Variants in DHRS7B observed in about 807,000 individuals in gnomAD.
The protein encoded by DHRS7B is peroxisomal reductase activating PPAR-gamma.
In DHRS7B, 24 loss-of-function variants were observed where a neutral mutation model predicts 26.4. The ratio of observed to expected loss-of-function variants is 0.91; its 90% confidence interval spans 0.66 to 1.28. DHRS7B has a LOEUF of 1.28. DHRS7B is among the 50% of genes most tolerant of loss of function. The pLI is 0.00. For synonymous variants in DHRS7B, 142 were observed against 166.4 expected (o/e 0.85, Z 1.13); for missense variants, 368 against 419.4 (o/e 0.88, Z 1.07).
At chr17:21,139,257 G>A (rs1194375815) in intron 1 of DHRS7B, among the ~76,000 whole-genome samples, 3 of 152,152 alleles carry the variant, frequency 2.0e-5, no homozygotes, top group Admixed American at 6.5e-5. Context: ...CATTAAACCA[G>A]TATTAATGTC....
At chr17:21,156,665 C>T (rs776904045) in intron 1 of DHRS7B, among the ~76,000 whole-genome samples, 2 of 151,820 alleles carry the variant, frequency 1.3e-5, no homozygotes, top group Non-Finnish European at 2.9e-5. Context: ...GTAATCCCAG[C>T]ACTTTAGGAG....
Position 21,131,303 on chromosome 17 carries a change from A to C in DHRS7B, c.20+4312A>C, listed in dbSNP as rs922970187. ...ATGCTAAAGAAGGGGTGGATTATTC[A>C]TGAATTTTCTAGGAAAGGGGTGGGT... On this transcript the variant is annotated intron_variant, in intron 1 of 6. Transcript: ENST00000395511. 1.6e-4 allele frequency among the ~76,000 whole-genome samples: 25 copies of C among 152,246 alleles called. 1 individual carries two copies. Among genetic ancestry groups the C allele is most frequent in the Admixed American group, 6.5e-4 (10 of 15,282 alleles).
chr17:21,149,328 G>T (rs887954458), intron 1 of DHRS7B, among the ~76,000 whole-genome samples: 6 of 152,114 alleles, frequency 3.9e-5, no homozygotes, highest in African/African-American at 1.4e-4. Flanking sequence ...AGAATTTACC[G>T]CCACTAAACC....
At chr17:21,187,974 G>A (rs1370963713) in intron 5 of DHRS7B, among the ~76,000 whole-genome samples, 4 of 152,042 alleles carry the variant, frequency 2.6e-5, no homozygotes, top group South Asian at 4.2e-4. Context: ...TCAGCCTCCC[G>A]TGTAGCTGGG....
intron 1 of DHRS7B, among the ~76,000 whole-genome samples, chr17:21,132,348 A>AAAATAT (rs1491147235): frequency 6.6e-4 from 82 of 125,040 alleles, no homozygotes; most frequent in African/African-American, 2.3e-3. Context: ...AAAAAAAAAA[A>AAAATAT]ATATATATAT....
intron 1 of DHRS7B, chr17:21,166,038 G>T: frequency 2.2e-6 from 1 of 444,592 alleles, no homozygotes; most frequent in African/African-American, 2.1e-5. Context: ...AGACAGACTT[G>T]GCGCGGGCTC....
At chr17:21,187,655 A>G (rs1240137506) in intron 5 of DHRS7B, among the ~76,000 whole-genome samples, 2 of 151,340 alleles carry the variant, frequency 1.3e-5, no homozygotes, top group Non-Finnish European at 2.9e-5. Flanking sequence ...AAAAAAGGAA[A>G]AAAAAGAAAA....
intron 1 of DHRS7B, among the ~76,000 whole-genome samples, chr17:21,155,508 G>T (rs528857078): frequency 6.6e-6 from 1 of 152,318 alleles, no homozygotes; most frequent in East Asian, 1.9e-4. Context: ...ACTGCAGGGA[G>T]AAAGAGATGA....
intron 5 of DHRS7B, 87 bp from the exon 6 acceptor site, chr17:21,188,624 A>T: frequency 7.2e-7 from 1 of 1,387,770 alleles, no homozygotes; most frequent in Non-Finnish European, 9.7e-7. Context: ...TTCAAAACAG[A>T]GAGCGTGAAT....
chr17:21,148,935 C>T (rs1401249327), intron 1 of DHRS7B, among the ~76,000 whole-genome samples: 1 of 152,050 alleles, frequency 6.6e-6, no homozygotes, highest in Non-Finnish European at 1.5e-5. Flanking sequence ...AAACTTTACA[C>T]AACTTAAGAA....
intron 1 of DHRS7B, among the ~76,000 whole-genome samples, chr17:21,141,779 A>G (rs1434215795): frequency 6.6e-6 from 1 of 152,028 alleles, no homozygotes; most frequent in Non-Finnish European, 1.5e-5. Context: ...TAAACTTTAG[A>G]TCTCGATCAA....
Position 21,178,297 on chromosome 17 carries a change from C to G in DHRS7B, c.264C>G (p.Ala88=), listed in dbSNP as rs370002673. Residue 88 remains alanine (A), a synonymous_variant, in exon 3 of 7, where the codon GCC becomes GCG. Transcript: ENST00000395511. ...KLVLCGRNGG[A]LEELIRELTA... The stretch of plus-strand genomic sequence containing the variant: ...TGCTCTGTGGCCGGAATGGTGGGGC[C>G]CTAGAAGAGCTCATCAGAGAACTCA... The G allele has an allele frequency of 1.7e-5, 27 of 1,613,764 alleles. No homozygotes were observed. The African/African-American group carries it at 3.5e-4, about 21-fold the overall frequency.
intron 1 of DHRS7B, among the ~76,000 whole-genome samples, chr17:21,136,189 CT>C (rs1973335882): frequency 1.3e-5 from 2 of 151,986 alleles, no homozygotes; most frequent in Non-Finnish European, 2.9e-5. Flanking sequence ...GTAATCTCAG[CT>C]ACTCGAGAGG....
chr17:21,161,340 G>A (rs1474201648), intron 1 of DHRS7B, among the ~76,000 whole-genome samples: 2 of 152,144 alleles, frequency 1.3e-5, no homozygotes, highest in African/African-American at 2.4e-5. Context: ...CAGTTTTCCT[G>A]TGTACCTAAA....
intron 1 of DHRS7B, among the ~76,000 whole-genome samples, chr17:21,160,134 T>A (rs1027580842): frequency 6.6e-6 from 1 of 151,618 alleles, no homozygotes; most frequent in African/African-American, 2.4e-5. Flanking sequence ...GGTGGGTAGA[T>A]CACAATGTCA....
Position 21,142,945 on chromosome 17 carries a change from T to C in DHRS7B, c.20+15954T>C, listed in dbSNP as rs952534916. On this transcript the variant is annotated intron_variant, in intron 1 of 6. Coordinates refer to ENST00000395511, the MANE Select transcript of DHRS7B (RefSeq NM_015510.5). The stretch of plus-strand genomic sequence containing the variant: ...TTGGGGTTTTGTTTGTATGTTTGTT[T>C]TGAGGTGGCGTCTTGCTATGTTGCC... 2.6e-5 allele frequency among the ~76,000 whole-genome samples: 4 copies of C among 152,246 alleles called. No homozygotes were observed. The East Asian group carries it at 7.7e-4, about 29-fold the overall frequency.
chr17:21,146,007 G>A lies in DHRS7B; in HGVS notation c.20+19016G>A, dbSNP rs535472273. ...AATAATTTATCCATTTTCTTCGTTCGTTCTCTTTACTGTTTCTTATATTAC... is the reference window on the plus strand; with the variant it reads ...AATAATTTATCCATTTTCTTCGTTCATTCTCTTTACTGTTTCTTATATTAC... On this transcript the variant is annotated intron_variant, in intron 1 of 6. Coordinates refer to ENST00000395511, the MANE Select transcript of DHRS7B (RefSeq NM_015510.5). 2.1e-4 allele frequency among the ~76,000 whole-genome samples: 32 copies of A among 152,216 alleles called. No individual in the cohort carries two copies. In the South Asian group the frequency reaches 4.1e-3, roughly 20 times the overall value.
intron 1 of DHRS7B, among the ~76,000 whole-genome samples, chr17:21,162,495 A>G (rs927410660): frequency 6.6e-6 from 1 of 152,190 alleles, no homozygotes; most frequent in Non-Finnish European, 1.5e-5. Context: ...TTCAACAAAC[A>G]TTTATGAAGT....
chr17:21,171,242 G>A (rs761509341), intron 1 of DHRS7B, among the ~76,000 whole-genome samples: 4 of 152,240 alleles, frequency 2.6e-5, no homozygotes, highest in Non-Finnish European at 4.4e-5. Context: ...GAATGGGGGA[G>A]GTTCAGGGGA....
Sources: gnomAD v4.1 joint callset for allele counts (sites outside exome capture counted in the v4.1 genomes callset) on GRCh38, gnomAD v4.1.1 for gene constraint, MANE v1.5 for transcripts, NCBI Gene and HGNC (gene_info 2026-07-23, HGNC 2026-07-21) for gene names.